The following DLG2 variants were observed in gnomAD, a reference collection of about 807,000 sequenced individuals.
DLG2 encodes the protein discs large MAGUK scaffold protein 2.
Under a neutral mutation model 132.5 loss-of-function variants are expected in DLG2, and 45 were observed. That is an observed-to-expected ratio of 0.34 (90% CI 0.27 to 0.44). The LOEUF is 0.44. DLG2 is among the 20% of genes least tolerant of loss of function. The pLI is 1.00. For missense variants in DLG2, 1,045 were observed against 1,196.9 expected (o/e 0.87, Z 1.87); for synonymous variants, 424 against 419.6 (o/e 1.01, Z -0.13).
intron 7 of DLG2, among the ~76,000 whole-genome samples, chr11:84,397,610 G>A (rs912358318): frequency 3.3e-5 from 5 of 152,186 alleles, no homozygotes; most frequent in African/African-American, 9.6e-5. Context: ...AAAATGGAAG[G>A]AGCAGAGGTT....
At chr11:85,235,400 C>T (rs556665057) in intron 4 of DLG2, among the ~76,000 whole-genome samples, 8 of 151,934 alleles carry the variant, frequency 5.3e-5, no homozygotes, top group Non-Finnish European at 1.0e-4. Flanking sequence ...TTCATTTACA[C>T]ATTAATCCAG....
Position 84,332,508 on chromosome 11 carries a change from C to CTTTTT in DLG2, c.520-81222_520-81218dup, listed in dbSNP as rs34149557. On this transcript the variant is annotated intron_variant, in intron 7 of 27. Transcript: ENST00000376104. The stretch of plus-strand genomic sequence containing the variant: ...TACAGGTGTGAGCCACCGCGCCTGG[C>CTTTTT]TTTTTTTTTTTTTTTTTTTTTTGAG... Among the ~76,000 whole-genome samples, 53 of 78,310 alleles carry CTTTTT rather than the reference C, an allele frequency of 6.8e-4. 1 individual carries two copies. The highest frequency in any genetic ancestry group is 1.5e-3 in the African/African-American group (26 of 17,440). The allele number at this position is 78,310 out of a possible 152,430, so 51.4% of individuals were successfully genotyped here.
At chr11:84,963,719 G>T (rs1260952161) in intron 6 of DLG2, among the ~76,000 whole-genome samples, 1 of 152,114 alleles carries the variant, frequency 6.6e-6, no homozygotes, top group African/African-American at 2.4e-5. Flanking sequence ...CACAAAATAA[G>T]TGCTCAATAA....
At chr11:83,771,860 A>C (rs955620234) in intron 18 of DLG2, among the ~76,000 whole-genome samples, 4 of 152,216 alleles carry the variant, frequency 2.6e-5, no homozygotes, top group Admixed American at 2.6e-4. Flanking sequence ...ACGGATTATA[A>C]ATATCTTTAT....
intron 4 of DLG2, among the ~76,000 whole-genome samples, chr11:85,204,579 G>T (rs1215004877): frequency 2.3e-4 from 35 of 151,928 alleles, no homozygotes; most frequent in Admixed American, 2.3e-3. Context: ...TAATGAATTG[G>T]AAGAATTACT....
intron 6 of DLG2, among the ~76,000 whole-genome samples, chr11:84,876,651 T>G (rs1037887593): frequency 1.2e-4 from 18 of 152,184 alleles, no homozygotes; most frequent in African/African-American, 4.1e-4. Flanking sequence ...ATTCATTGAT[T>G]TTTTGAAGGG....
chr11:85,183,406 TC>T (rs2079866345), intron 4 of DLG2, among the ~76,000 whole-genome samples: 1 of 151,908 alleles, frequency 6.6e-6, no homozygotes, highest in Admixed American at 6.6e-5. Flanking sequence ...AAAGTAGTTA[TC>T]ATCTATAGAT....
At chr11:83,998,184 A>G (rs1208190999) in intron 11 of DLG2, among the ~76,000 whole-genome samples, 1 of 152,182 alleles carries the variant, frequency 6.6e-6, no homozygotes, top group Non-Finnish European at 1.5e-5. Context: ...GTGGAGGAGG[A>G]GCACACTCTG....
chr11:85,422,102 T>C (rs1371714002), intron 3 of DLG2, among the ~76,000 whole-genome samples: 1 of 152,210 alleles, frequency 6.6e-6, no homozygotes, highest in Non-Finnish European at 1.5e-5. Context: ...GGTGCTTTTG[T>C]CTCAGTTCTT....
intron 16 of DLG2, 76 bp from the exon 17 acceptor site, chr11:83,833,846 T>G: frequency 6.9e-7 from 1 of 1,456,320 alleles, no homozygotes; most frequent in Non-Finnish European, 9.3e-7. Flanking sequence ...TTCAATGGGA[T>G]ATATGATATC....
At chr11:84,230,065 C>A (rs914646974) in intron 8 of DLG2, among the ~76,000 whole-genome samples, 2 of 152,004 alleles carry the variant, frequency 1.3e-5, no homozygotes, top group African/African-American at 2.4e-5. Flanking sequence ...TGAAGCTTTG[C>A]AAGTTATAAT....
At chr11:85,109,439 T>C (rs1303482045) in intron 6 of DLG2, among the ~76,000 whole-genome samples, 1 of 152,086 alleles carries the variant, frequency 6.6e-6, no homozygotes, top group Non-Finnish European at 1.5e-5. Flanking sequence ...ATGTAGTTGT[T>C]TATTTGTTCC....
At chr11:83,710,082 T>C (rs961235891) in intron 18 of DLG2, among the ~76,000 whole-genome samples, 16 of 151,956 alleles carry the variant, frequency 1.1e-4, no homozygotes, top group Non-Finnish European at 2.1e-4. Flanking sequence ...GAGAGGAATA[T>C]GAGGTGGGTA....
At chr11:84,786,674 C>T (rs1167091940) in intron 6 of DLG2, among the ~76,000 whole-genome samples, 1 of 152,220 alleles carries the variant, frequency 6.6e-6, no homozygotes, top group East Asian at 1.9e-4. Flanking sequence ...CATAACCAAT[C>T]TCTTCTGAAG....
chr11:84,484,055 A>T (rs2099144865), intron 7 of DLG2, among the ~76,000 whole-genome samples: 1 of 152,204 alleles, frequency 6.6e-6, no homozygotes, highest in Non-Finnish European at 1.5e-5. Flanking sequence ...TGAGGTCATT[A>T]GACTTCAGAC....
At chr11:84,476,815 C>T (rs1451971671) in intron 7 of DLG2, among the ~76,000 whole-genome samples, 1 of 152,136 alleles carries the variant, frequency 6.6e-6, no homozygotes, top group Non-Finnish European at 1.5e-5. Context: ...AATGAATGAA[C>T]CAGCAGATGA....
At position 85,111,683 on chromosome 11, in the gene DLG2, C is replaced by G. The variant is rs181662985; in HGVS notation, c.335G>C (p.Trp112Ser). ...TACAGTACAGTGGTGGACAGGCATC[C>G]AAGCAGGGGCTTCCACTGAACAATT... Reference protein sequence around the residue: ...AQNCSVEAPAWMPVHHCTKYR... With the variant: ...AQNCSVEAPASMPVHHCTKYR... Residue 112 changes from tryptophan (W) to serine (S), a missense_variant, in exon 6 of 28, where the codon TGG becomes TCG. Physicochemically the swap from Trp to Ser is radical, Grantham distance 177. Around this residue, in one of 4 missense-constraint regions of DLG2, gnomAD observed 277 missense variants for 238.2 expected, o/e 1.16. Coordinates refer to ENST00000376104, the MANE Select transcript of DLG2 (RefSeq NM_001142699.3). 1.9e-6 allele frequency: 3 copies of G among 1,565,480 alleles called. No homozygotes were observed. Among genetic ancestry groups the G allele is most frequent in the Non-Finnish European group, 2.6e-6 (3 of 1,154,330 alleles).
chr11:84,797,816 C>A (rs2074848990), intron 6 of DLG2, among the ~76,000 whole-genome samples: 1 of 152,094 alleles, frequency 6.6e-6, no homozygotes, highest in Admixed American at 6.5e-5. Flanking sequence ...TTCTTGTATT[C>A]TTCACAATTT....
intron 8 of DLG2, among the ~76,000 whole-genome samples, chr11:84,198,216 T>A (rs2096547678): frequency 6.6e-6 from 1 of 152,152 alleles, no homozygotes; most frequent in Non-Finnish European, 1.5e-5. Context: ...ACAAAGCTAT[T>A]AATACTAAGA....
Sources: allele counts gnomAD v4.1 joint callset (sites outside exome capture counted in the v4.1 genomes callset), GRCh38; gene constraint gnomAD v4.1.1; regional missense constraint gnomAD v4.1.1; transcripts MANE v1.5; gene names NCBI Gene and HGNC (gene_info 2026-07-23, HGNC 2026-07-21).